Variants in PALM3 observed in about 807,000 individuals in gnomAD.
PALM3 encodes paralemmin 3, also known as paralemmin-3.
Under a neutral mutation model 27.9 loss-of-function variants are expected in PALM3, and 20 were observed. That is an observed-to-expected ratio of 0.72 (90% CI 0.50 to 1.04). The LOEUF (loss-of-function observed/expected upper bound fraction) is 1.04, where lower values mean the gene tolerates loss of function less well. Ranked by LOEUF, PALM3 falls within the 50% of genes least tolerant of loss-of-function variation. The pLI is 0.00. For synonymous variants in PALM3, 328 were observed against 352.7 expected (o/e 0.93, Z 0.79); for missense variants, 814 against 869.4 (o/e 0.94, Z 0.80).
In PALM3 at chr19:14,056,410, C is replaced by A; in HGVS notation, c.399+19G>T. On this transcript the variant is annotated intron_variant, in intron 5 of 6. Coordinates refer to ENST00000669674, the MANE Select transcript of PALM3 (RefSeq NM_001145028.2). Reference sequence around the variant, plus strand: ...GCTGGCCATGCCCTCCCATCCCACTCCCCTGATTCCCCCCTCACCTGTCTG... The same window carrying A: ...GCTGGCCATGCCCTCCCATCCCACTACCCTGATTCCCCCCTCACCTGTCTG... 2 of 1,540,660 alleles carry A rather than the reference C, an allele frequency of 1.3e-6. No individual in the cohort carries two copies. Among genetic ancestry groups the A allele is most frequent in the Admixed American group, 2.0e-5 (1 of 50,992 alleles).
chr19:14,055,107 G>A lies in PALM3; in HGVS notation c.565C>T (p.Pro189Ser). Residue 189 changes from proline to serine, a missense_variant, in exon 7 of 7, where the codon CCC becomes TCC. By Grantham distance (74) the Pro-to-Ser change is moderately conservative. Coordinates refer to ENST00000669674, the MANE Select transcript of PALM3 (RefSeq NM_001145028.2). ...LGFLPGPRQV[P>S]GAAGDSSEAN... ...TCTGAGGAGTCTCCTGCTGCCCCGGGGACCTGCCTCGGGCCTGGCAGAAAC... is the reference window on the plus strand; with the variant it reads ...TCTGAGGAGTCTCCTGCTGCCCCGGAGACCTGCCTCGGGCCTGGCAGAAAC... The A allele has an allele frequency of 6.4e-7, 1 of 1,551,594 alleles. No homozygotes were observed. The highest frequency in any genetic ancestry group is 8.7e-7 in the Non-Finnish European group (1 of 1,146,978).
intron 1 of PALM3, among the ~76,000 whole-genome samples, chr19:14,060,032 C>T (rs906165278): frequency 1.6e-4 from 24 of 152,092 alleles, no homozygotes; most frequent in African/African-American, 3.9e-4. Context: ...CAGTGTCACA[C>T]CAACCTTATC....
chr19:14,058,300 T>G (rs1599310020), intron 2 of PALM3, among the ~76,000 whole-genome samples: 16 of 121,114 alleles, frequency 1.3e-4, no homozygotes, highest in East Asian at 4.8e-4. Flanking sequence ...TGCAGATAGG[T>G]GGGGTATAGA....
chr19:14,059,396 TCA>T lies in PALM3; in HGVS notation c.42-235_42-234del, dbSNP rs371255492. Among the ~76,000 whole-genome samples the T allele has an allele frequency of 4.1e-3, 618 of 152,176 alleles. 3 individuals are homozygous for T. The highest frequency in any genetic ancestry group is 0.014 in the African/African-American group (597 of 41,478). On this transcript the variant is annotated intron_variant, in intron 1 of 6. Transcript: ENST00000669674. ...AAATCTGGCTTTGTCTCTCTCAGCC[TCA>T]GTTTCCTCATCTGTAAGATGGGCAG...
chr19:14,057,545 C>A (rs960663818), intron 2 of PALM3, 114 bp from the exon 3 acceptor site: 3 of 849,888 alleles, frequency 3.5e-6, no homozygotes, highest in African/African-American at 3.7e-5. Context: ...CCGGGGCTCC[C>A]GAGGCAGCGA....
Position 14,057,399 on chromosome 19 carries a change from G to A in PALM3, c.123C>T (p.Ala41=). ...TCTCCTCCTCCACCTCCCGGCGCGC[G>A]GCGCGGATCTCCTCCTGCAGCCGCC... is the stretch of plus-strand genomic sequence containing the variant. The part of the protein sequence containing the change: ...EKRRLQEEIR[A]ARREVEEEKL... Residue 41 remains alanine, a synonymous_variant, in exon 3 of 7, where the codon GCC becomes GCT. Transcript: ENST00000669674. The A allele has an allele frequency of 6.5e-7, 1 of 1,543,536 alleles. No homozygotes were observed. Among genetic ancestry groups the A allele is most frequent in the Non-Finnish European group, 8.7e-7 (1 of 1,145,002 alleles).
At chr19:14,060,053 T>A (rs971698836) in intron 1 of PALM3, among the ~76,000 whole-genome samples, 1 of 151,986 alleles carries the variant, frequency 6.6e-6, no homozygotes, top group African/African-American at 2.4e-5. Context: ...AACACAGACA[T>A]GCATTGGGCA....
At chr19:14,056,568 A>G in intron 4 of PALM3, 55 bp from the exon 5 acceptor site, 2 of 1,549,652 alleles carry the variant, frequency 1.3e-6, no homozygotes, top group Non-Finnish European at 1.7e-6. Context: ...TTGGGCTCCT[A>G]GACTCAAGCG....
At chr19:14,058,867 G>A (rs981631069) in intron 2 of PALM3, among the ~76,000 whole-genome samples, 3 of 151,900 alleles carry the variant, frequency 2.0e-5, no homozygotes, top group African/African-American at 7.3e-5. Context: ...GGGGTTTTTG[G>A]GAGGCTGGGG....
chr19:14,059,449 C>T (rs1312291873), intron 1 of PALM3, among the ~76,000 whole-genome samples: 2 of 152,014 alleles, frequency 1.3e-5, no homozygotes, highest in African/African-American at 4.8e-5. Context: ...CCTGTCCTTG[C>T]CACCCCCGAT....
At chr19:14,059,870 A>G (rs906740208) in intron 1 of PALM3, among the ~76,000 whole-genome samples, 2 of 151,746 alleles carry the variant, frequency 1.3e-5, no homozygotes, top group African/African-American at 4.8e-5. Context: ...GAGGAGGGGG[A>G]CTTGCCATTT....
In PALM3 at chr19:14,054,475, C is replaced by G. The variant is rs1367450911; in HGVS notation, c.1197G>C (p.Thr399=). 1 of 1,551,492 alleles carries G rather than the reference C, an allele frequency of 6.4e-7. No homozygotes were observed. The change falls in exon 7 of 7, where the codon ACG becomes ACC. Residue 399 remains threonine, a synonymous_variant. Transcript: ENST00000669674. ...ESPLGAEGAK[T]GGGEETWEAE... ...CCTCCCAGGTCTCCTCGCCTCCTCC[C>G]GTCTTGGCCCCCTCGGCCCCCAGCG...
In PALM3 at chr19:14,056,456, G is replaced by A. The variant is rs753180105; in HGVS notation, c.372C>T (p.Pro124=). Residue 124 remains proline (P), a synonymous_variant, in exon 5 of 7, where the codon CCC becomes CCT. Transcript: ENST00000669674. ...GTCTGCGCCAGCTGGGCCTGCCTGA[G>A]GGCTTGTGCTGGGCACCTGTGGAAG... ...QSASTGAQHK[P]SGRPSWRRQG... is the part of the protein sequence containing the mutation. 1 of 1,551,640 alleles carries A rather than the reference G, an allele frequency of 6.4e-7. No individual in the cohort carries two copies. The highest frequency in any genetic ancestry group is 1.4e-5 in the African/African-American group (1 of 73,186).
Position 14,053,598 on chromosome 19 carries a change from C to T in PALM3, c.*7G>A. The T allele has an allele frequency of 1.4e-6, 2 of 1,450,184 alleles. No individual in the cohort carries two copies. Among genetic ancestry groups the T allele is most frequent in the Non-Finnish European group, 1.8e-6 (2 of 1,099,370 alleles). 89.8% of individuals were successfully genotyped at this position (1,450,184 alleles called of 1,614,324 possible). On this transcript the variant is annotated 3_prime_UTR_variant, in exon 7 of 7. Transcript: ENST00000669674. Reference sequence around the variant, plus strand: ...AGGAGCTGGACATGGGGTGGAGGGGCATGGGTTCACATGACCGCACAACAC... The same window carrying T: ...AGGAGCTGGACATGGGGTGGAGGGGTATGGGTTCACATGACCGCACAACAC...
chr19:14,054,171 A>G lies in PALM3; in HGVS notation c.1501T>C (p.Leu501=), dbSNP rs1262878186. ...GAEEEEVEEP[L]GVEKKGGEEE... ...TCACCTCCTTTCTTCTCTACTCCCA[A>G]TGGTTCTTCTACCTCCTCCTCCTCT... The change falls in exon 7 of 7, where the codon TTG becomes CTG. Residue 501 remains leucine (L), a synonymous_variant. Transcript: ENST00000669674. The G allele has an allele frequency of 4.5e-6, 7 of 1,548,442 alleles. No homozygotes were observed. Among genetic ancestry groups the G allele is most frequent in the African/African-American group, 2.8e-5 (2 of 71,708 alleles).
rs1022874307 is a variant in PALM3, at chr19:14,054,408, C to T, written c.1264G>A (p.Glu422Lys). 9.7e-6 allele frequency: 15 copies of T among 1,551,874 alleles called. No homozygotes were observed. In the African/African-American group the frequency reaches 1.2e-4, roughly 13 times the overall value. Residue 422 changes from glutamate (E) to lysine (K), a missense_variant, in exon 7 of 7, where the codon GAG becomes AAG. Physicochemically the swap from Glu to Lys is moderately conservative, Grantham distance 56. Coordinates refer to ENST00000669674, the MANE Select transcript of PALM3 (RefSeq NM_001145028.2). ...TCCCTCCCTGTCCCTGGCTTTTCCT[C>T]ACTTCCTATTCCCATGGATTCTTCC... ...KAEESMGIGSEEKPGTGRDEA... is the reference protein window; with the variant it reads ...KAEESMGIGSKEKPGTGRDEA...
In PALM3 at chr19:14,053,690, C is replaced by T. The variant is rs751249826; in HGVS notation, c.1982G>A (p.Arg661Gln). 1.3e-5 allele frequency: 19 copies of T among 1,487,778 alleles called. No homozygotes were observed. The highest frequency in any genetic ancestry group is 5.5e-5 in the South Asian group (4 of 72,420). The allele number at this position is 1,487,778 out of a possible 1,614,324, so 92.2% of individuals were successfully genotyped here. A position where few individuals can be genotyped will look rare whatever the true frequency, so the allele number is the denominator to read the frequency against. The change falls in exon 7 of 7, where the codon CGG becomes CAG. Residue 661 changes from arginine to glutamine, a missense_variant. By Grantham distance (43) the Arg-to-Gln change is conservative (BLOSUM62 1). Coordinates refer to ENST00000669674, the MANE Select transcript of PALM3 (RefSeq NM_001145028.2). Reference protein sequence around the residue: ...AHPVPTYAPARQPEPSAPTEG... With the variant: ...AHPVPTYAPAQQPEPSAPTEG... ...GGTGGGGGCAGATGGCTCAGGCTGC[C>T]GGGCAGGCGCGTAGGTGGGCACAGG...
chr19:14,054,320 C>T lies in PALM3; in HGVS notation c.1352G>A (p.Ser451Asn). ...KGGEKKLELESRGSAEKLGTE... is the reference protein window; with the variant it reads ...KGGEKKLELENRGSAEKLGTE... ...TCCCAGCTTTTCTGCACTTCCTCTG[C>T]TCTCCAGCTCCAACTTCTTCTCTCC... Residue 451 changes from serine to asparagine, a missense_variant, in exon 7 of 7, where the codon AGC becomes AAC. By Grantham distance (46) the Ser-to-Asn change is conservative. Transcript: ENST00000669674. 6.4e-7 allele frequency: 1 copy of T among 1,552,288 alleles called. No individual in the cohort carries two copies. The highest frequency in any genetic ancestry group is 8.7e-7 in the Non-Finnish European group (1 of 1,147,134).
chr19:14,054,925 C>T lies in PALM3; in HGVS notation c.747G>A (p.Gly249=), dbSNP rs757956438. ...TAGCCTCCAGCTCGGGGCCCGTGGC[C>T]CCTGTGGCACAGTCCTCTGTGGCCC... is the stretch of plus-strand genomic sequence containing the variant. ...GLRATEDCAT[G]ATGPELEAKV... is the part of the protein sequence containing the mutation. The change falls in exon 7 of 7, where the codon GGG becomes GGA. Residue 249 remains glycine, a synonymous_variant. Transcript: ENST00000669674. 32 of 1,549,302 alleles carry T rather than the reference C, an allele frequency of 2.1e-5. No homozygotes were observed. The South Asian group carries it at 3.2e-4, about 16-fold the overall frequency.
Sources: allele counts gnomAD v4.1 joint callset (sites outside exome capture counted in the v4.1 genomes callset), GRCh38; gene constraint gnomAD v4.1.1; transcripts MANE v1.5; gene names NCBI Gene and HGNC (gene_info 2026-07-23, HGNC 2026-07-21).